The following FGF12 variants were observed in gnomAD, a reference collection of about 807,000 sequenced individuals.
The protein encoded by FGF12 is fibroblast growth factor 12B.
In FGF12, 14 loss-of-function variants were observed where a neutral mutation model predicts 23.6. The observed-to-expected ratio is 0.59, with a 90% CI of 0.39 to 0.93. The LOEUF (loss-of-function observed/expected upper bound fraction) is 0.93, where lower values mean the gene tolerates loss of function less well. Among genes scored for constraint, FGF12 ranks in the 40% least tolerant of loss-of-function variants. The pLI, the probability that FGF12 is intolerant of heterozygous loss-of-function variation, is 0.00. For missense variants in FGF12, 175 were observed against 217.8 expected, an observed-to-expected ratio of 0.80 and a Z score of 1.24; for synonymous variants, 62 against 77.3, an observed-to-expected ratio of 0.80 and a Z score of 1.04.
At chr3:192,294,704 T>C (rs933049009) in intron 4 of FGF12, among the ~76,000 whole-genome samples, 2 of 152,210 alleles carry the variant, frequency 1.3e-5, no homozygotes, top group Non-Finnish European at 1.5e-5. Flanking sequence ...CCAACATATT[T>C]TGGCTTATAG....
At chr3:192,602,669 C>A (rs529370485) in intron 2 of FGF12, among the ~76,000 whole-genome samples, 8 of 151,090 alleles carry the variant, frequency 5.3e-5, no homozygotes, top group Non-Finnish European at 1.0e-4. Flanking sequence ...CCCAGGAAAA[C>A]GTTGCTGTTT....
intron 4 of FGF12, among the ~76,000 whole-genome samples, chr3:192,292,299 T>G (rs972460433): frequency 6.6e-6 from 1 of 151,988 alleles, no homozygotes; most frequent in African/African-American, 2.4e-5. Context: ...CCAAACAATT[T>G]TTTTTTTTTT....
At chr3:192,154,657 G>A (rs1430218875) in intron 5 of FGF12, among the ~76,000 whole-genome samples, 2 of 146,564 alleles carry the variant, frequency 1.4e-5, no homozygotes, top group Non-Finnish European at 3.0e-5. Context: ...CACTTGAGGA[G>A]GTAGTCTGCC....
At chr3:192,361,580 A>C (rs989209164) in intron 2 of FGF12, among the ~76,000 whole-genome samples, 1 of 152,208 alleles carries the variant, frequency 6.6e-6, no homozygotes, top group African/African-American at 2.4e-5. Context: ...TAAGCTAGTC[A>C]ACTTCATCCT....
At position 192,142,252 on chromosome 3, in the gene FGF12, T is replaced by C. The variant is rs2108573769; in HGVS notation, c.*1757A>G. 1 of 152,628 alleles carries C rather than the reference T, an allele frequency of 6.6e-6. No individual in the cohort carries two copies. Among genetic ancestry groups the C allele is most frequent in the South Asian group, 2.1e-4 (1 of 4,832 alleles). 9.5% of individuals were successfully genotyped at this position (152,628 alleles called of 1,614,324 possible). A position where few individuals can be genotyped will look rare whatever the true frequency, so the allele number is the denominator to read the frequency against. ...GAAATAGGATACCTGGTGAAGGATATGGTCCACTATTGAAGAATAATGATT... is the reference window on the plus strand; with the variant it reads ...GAAATAGGATACCTGGTGAAGGATACGGTCCACTATTGAAGAATAATGATT... On this transcript the variant is annotated 3_prime_UTR_variant, in exon 6 of 6. Coordinates refer to ENST00000445105, the MANE Select transcript of FGF12 (RefSeq NM_004113.6).
intron 2 of FGF12, among the ~76,000 whole-genome samples, chr3:192,661,748 A>G (rs2108684934): frequency 6.6e-6 from 1 of 152,344 alleles, no homozygotes; most frequent in Middle Eastern, 3.4e-3. Context: ...CATGTTCCAG[A>G]CAAAATGTAA....
intron 2 of FGF12, among the ~76,000 whole-genome samples, chr3:192,665,644 T>C (rs1716841716): frequency 6.6e-6 from 1 of 151,970 alleles, no homozygotes; most frequent in South Asian, 2.1e-4. Context: ...TTAGGACAAA[T>C]ACCTAATGCA....
chr3:192,179,233 C>G (rs764490940), intron 4 of FGF12, among the ~76,000 whole-genome samples: 1 of 152,032 alleles, frequency 6.6e-6, no homozygotes, highest in Non-Finnish European at 1.5e-5. Context: ...AAAAACAACT[C>G]TGCAGATACG....
At chr3:192,613,079 A>G (rs184018257) in intron 2 of FGF12, among the ~76,000 whole-genome samples, 1 of 150,148 alleles carries the variant, frequency 6.7e-6, no homozygotes, top group Admixed American at 6.7e-5. Flanking sequence ...CTTATTTACC[A>G]TTTTTTTTCT....
intron 4 of FGF12, among the ~76,000 whole-genome samples, chr3:192,317,585 G>C (rs1716296584): frequency 6.6e-6 from 1 of 151,398 alleles, no homozygotes; most frequent in Admixed American, 6.6e-5. Context: ...ACACCAGCAA[G>C]ATTCATAAGG....
At chr3:192,467,904 G>A (rs1723057410) in intron 2 of FGF12, among the ~76,000 whole-genome samples, 1 of 152,144 alleles carries the variant, frequency 6.6e-6, no homozygotes, top group South Asian at 2.1e-4. Flanking sequence ...TCAGCGGCAG[G>A]CACCGAGCAC....
intron 2 of FGF12, among the ~76,000 whole-genome samples, chr3:192,615,206 T>A (rs1714710891): frequency 2.0e-5 from 3 of 151,944 alleles, no homozygotes. Context: ...TTTAAAAAAA[T>A]TTTAAAGAGA....
At chr3:192,545,242 T>G (rs1725466767) in intron 2 of FGF12, among the ~76,000 whole-genome samples, 1 of 152,190 alleles carries the variant, frequency 6.6e-6, no homozygotes, top group African/African-American at 2.4e-5. Context: ...CAAAACTACT[T>G]GTGTATAAGC....
intron 2 of FGF12, among the ~76,000 whole-genome samples, chr3:192,453,812 A>G (rs1473150041): frequency 6.6e-6 from 1 of 152,166 alleles, no homozygotes; most frequent in Non-Finnish European, 1.5e-5. Context: ...TTGATCAGTT[A>G]GTTAGCAAAA....
chr3:192,453,654 TG>T (rs1449719772), intron 2 of FGF12, among the ~76,000 whole-genome samples: 4 of 152,198 alleles, frequency 2.6e-5, no homozygotes, highest in African/African-American at 9.7e-5. Flanking sequence ...GCATTTTTTT[TG>T]TCAGGATTTA....
chr3:192,507,707 G>T (rs575981549), intron 2 of FGF12, among the ~76,000 whole-genome samples: 1 of 152,198 alleles, frequency 6.6e-6, no homozygotes, highest in Admixed American at 6.5e-5. Flanking sequence ...TCACCAGGCT[G>T]AAAGGGCTAT....
intron 2 of FGF12, among the ~76,000 whole-genome samples, chr3:192,402,937 T>C (rs1720821239): frequency 6.6e-6 from 1 of 152,106 alleles, no homozygotes; most frequent in East Asian, 1.9e-4. Flanking sequence ...AAGATAAAAT[T>C]GAAAATATAG....
chr3:192,691,084 T>G (rs1396020533), intron 2 of FGF12, among the ~76,000 whole-genome samples: 1 of 151,916 alleles, frequency 6.6e-6, no homozygotes, highest in African/African-American at 2.4e-5. Context: ...AATACAATAA[T>G]AGAAGTGGGT....
At chr3:192,564,853 C>T (rs1712205113) in intron 2 of FGF12, among the ~76,000 whole-genome samples, 2 of 152,144 alleles carry the variant, frequency 1.3e-5, no homozygotes, top group Admixed American at 1.3e-4. Flanking sequence ...CACAGAATTC[C>T]CTTAAGAATG....
Sources: gnomAD v4.1 joint callset for allele counts (sites outside exome capture counted in the v4.1 genomes callset) on GRCh38, gnomAD v4.1.1 for gene constraint, MANE v1.5 for transcripts, NCBI Gene and HGNC (gene_info 2026-07-23, HGNC 2026-07-21) for gene names.